The following SUPT6H variants were observed in gnomAD, a reference collection of about 807,000 sequenced individuals.
The protein encoded by SUPT6H is SPT6 homolog, histone chaperone and transcription elongation factor.
Under a neutral mutation model 222.3 loss-of-function variants are expected in SUPT6H, and 11 were observed. That is an observed-to-expected ratio of 0.05 (90% CI 0.03 to 0.08). The LOEUF (loss-of-function observed/expected upper bound fraction) is 0.08, where lower values mean the gene tolerates loss of function less well. SUPT6H is among the 10% of genes least tolerant of loss of function. The pLI, the probability that SUPT6H is intolerant of heterozygous loss-of-function variation, is 1.00. For synonymous variants in SUPT6H, 762 were observed against 801.2 expected, an observed-to-expected ratio of 0.95 and a Z score of 0.83; for missense variants, 1,422 against 2,216.0, an observed-to-expected ratio of 0.64 and a Z score of 7.19.
intron 21 of SUPT6H, 75 bp from the exon 22 acceptor site, chr17:28,687,013 A>G (rs2031416031): frequency 2.5e-6 from 4 of 1,569,782 alleles, no homozygotes. Context: ...GATTTAAACC[A>G]GAATGGTTTG....
At chr17:28,679,058 C>A in intron 11 of SUPT6H, 95 bp downstream of exon 11, 1 of 1,502,104 alleles carries the variant, frequency 6.7e-7, no homozygotes, top group Non-Finnish European at 9.1e-7. Context: ...ATGTGTAGCA[C>A]AGGGCCCCAT....
intron 25 of SUPT6H, 122 bp from the exon 26 acceptor site, chr17:28,689,960 A>T: frequency 1.6e-6 from 2 of 1,284,944 alleles, no homozygotes; most frequent in South Asian, 1.6e-5. Flanking sequence ...TGATGGAAAG[A>T]AAAGAAGAAG....
chr17:28,683,072 C>T lies in SUPT6H; in HGVS notation c.1858C>T (p.Pro620Ser), dbSNP rs771552228. The T allele has an allele frequency of 3.7e-6, 6 of 1,605,710 alleles. No homozygotes were observed. Among genetic ancestry groups the T allele is most frequent in the East Asian group, 2.2e-5 (1 of 44,820 alleles). The part of the protein sequence containing the change: ...FQERAKLNIT[P>S]TKKGRKDVDE... ...AGAGAGAGCCAAGTTAAATATAACC[C>T]CCACCAAGAAAGGTAGAAAGGTGAG... The change falls in exon 15 of 37, where the codon CCC (proline) becomes TCC (serine). Residue 620 changes from proline (P) to serine (S), a missense_variant. Coordinates refer to ENST00000314616, the MANE Select transcript of SUPT6H (RefSeq NM_003170.5).
At chr17:28,674,474 T>C in intron 3 of SUPT6H, 33 bp downstream of exon 3, 1 of 1,614,166 alleles carries the variant, frequency 6.2e-7, no homozygotes, top group Non-Finnish European at 8.5e-7. Flanking sequence ...AAGTGAGGCT[T>C]GGGTGGAGGT....
rs2031492159 is a variant in SUPT6H, at chr17:28,688,297, A to C, written c.3134+79A>C. The C allele has an allele frequency of 1.3e-6, 2 of 1,492,228 alleles. No homozygotes were observed. Among genetic ancestry groups the C allele is most frequent in the Admixed American group, 2.2e-5 (1 of 45,620 alleles). 92.4% of individuals were successfully genotyped at this position (1,492,228 alleles called of 1,614,324 possible). A position where few individuals can be genotyped will look rare whatever the true frequency, so the allele number is the denominator to read the frequency against. On this transcript the variant is annotated intron_variant, in intron 24 of 36. Transcript: ENST00000314616. This position sits in a 1 kb window ranked among gnomAD's most constrained non-coding sequence, Gnocchi z 4.3. ...TCGGGTTTCAGGGGTTAGGGCTATC[A>C]AAGGGCCACAAGCCATTTTAACTTA...
intron 1 of SUPT6H, among the ~76,000 whole-genome samples, chr17:28,666,550 CTTT>C (rs869201111): frequency 4.3e-5 from 6 of 138,630 alleles, no homozygotes; most frequent in Non-Finnish European, 1.6e-5. Flanking sequence ...AAAAGGAATA[CTTT>C]TTTTTTTTTT....
chr17:28,676,352 G>T lies in SUPT6H; in HGVS notation c.819G>T (p.Glu273Asp). The change falls in exon 7 of 37, where the codon GAG (glutamate) becomes GAT (aspartate). Residue 273 changes from glutamate (E) to aspartate (D), a missense_variant. By Grantham distance (45) the Glu-to-Asp change is conservative. Around this residue, in one of 13 missense-constraint regions of SUPT6H, gnomAD observed 389 missense variants for 544.6 expected, o/e 0.71. Coordinates refer to ENST00000314616, the MANE Select transcript of SUPT6H (RefSeq NM_003170.5). ...GTAGGAGCATCTTTGAAATGTATGA[G>T]CCCAGTGAGCTAGAAAGCAGCCACC... Reference protein sequence around the residue: ...VSRRSIFEMYEPSELESSHLT... With the variant: ...VSRRSIFEMYDPSELESSHLT... 1 of 1,613,396 alleles carries T rather than the reference G, an allele frequency of 6.2e-7. No individual in the cohort carries two copies. The highest frequency in any genetic ancestry group is 1.7e-4 in the Middle Eastern group (1 of 6,060).
intron 1 of SUPT6H, among the ~76,000 whole-genome samples, chr17:28,665,717 C>T (rs756544590): frequency 2.0e-5 from 3 of 152,068 alleles, no homozygotes; most frequent in African/African-American, 7.2e-5. Context: ...GAGCTGAGAT[C>T]GTGCCACTAC....
chr17:28,692,233 AGAAT>A, intron 27 of SUPT6H, among the ~76,000 whole-genome samples: 1 of 150,904 alleles, frequency 6.6e-6, no homozygotes, highest in East Asian at 2.0e-4. Flanking sequence ...CTGAGGCAGG[AGAAT>A]GGTGTGAACC....
At chr17:28,683,931 G>A (rs573207812) in intron 17 of SUPT6H, 115 bp downstream of exon 17, 1 of 950,528 alleles carries the variant, frequency 1.1e-6, no homozygotes, top group African/African-American at 1.7e-5. Context: ...TGCCTCCTAG[G>A]TTGATGCCAT....
chr17:28,683,130 C>T, intron 15 of SUPT6H, 38 bp downstream of exon 15: 2 of 1,566,278 alleles, frequency 1.3e-6, no homozygotes, highest in Non-Finnish European at 1.7e-6. Flanking sequence ...AGATGTGCAC[C>T]AGCTCTTTCT....
At chr17:28,700,079 C>G in intron 33 of SUPT6H, 94 bp from the exon 34 acceptor site, 1 of 1,567,594 alleles carries the variant, frequency 6.4e-7, no homozygotes, top group Admixed American at 1.7e-5. Flanking sequence ...TTCCCTTCCT[C>G]CCTCTACCTA....
chr17:28,683,412 G>A lies in SUPT6H; in HGVS notation c.2023G>A (p.Gly675Arg). 6.2e-7 allele frequency: 1 copy of A among 1,614,152 alleles called. No homozygotes were observed. The highest frequency in any genetic ancestry group is 1.3e-5 in the African/African-American group (1 of 75,038). ...CACTGACATCAGCATAGATTTGAAG[G>A]GAGTGGAAGGGTAAGCAGAGCCCTG... ...LTTDISIDLK[G>R]VEGYGNDQTY... The change falls in exon 16 of 37, where the codon GGA becomes AGA. Residue 675 changes from glycine to arginine, a missense_variant. Gly to Arg is a moderately radical substitution (Grantham distance 125). Coordinates refer to ENST00000314616, the MANE Select transcript of SUPT6H (RefSeq NM_003170.5).
chr17:28,669,367 T>A (rs1246529574), intron 1 of SUPT6H, among the ~76,000 whole-genome samples: 1 of 152,182 alleles, frequency 6.6e-6, no homozygotes, highest in Admixed American at 6.5e-5. Context: ...AATTTTTCAT[T>A]TTTAGTGGAG....
intron 15 of SUPT6H, 82 bp from the exon 16 acceptor site, chr17:28,683,186 C>T (rs1470685477): frequency 6.3e-7 from 1 of 1,576,070 alleles, no homozygotes; most frequent in Admixed American, 1.8e-5. Context: ...AGCTGTGTGT[C>T]TGAAAGCAGA....
chr17:28,667,370 CAAAAAAAA>C (rs546020183), intron 1 of SUPT6H, among the ~76,000 whole-genome samples: 10 of 6,240 alleles, frequency 1.6e-3, no homozygotes, highest in South Asian at 0.011. Context: ...GACTCCGTCT[CAAAAAAAA>C]AAAAAAAAAA....
At position 28,678,833 on chromosome 17, in the gene SUPT6H, C is replaced by A. The variant is rs1282118048; in HGVS notation, c.1219C>A (p.Arg407=). 1.2e-6 allele frequency: 2 copies of A among 1,614,106 alleles called. No homozygotes were observed. The highest frequency in any genetic ancestry group is 2.2e-5 in the South Asian group (2 of 91,076). Residue 407 remains arginine, a synonymous_variant, in exon 11 of 37, where the codon CGG becomes AGG. Transcript: ENST00000314616. ...TACTTCACCTTAGTGGACCCAGCTGCGGATCCGTAAAGAGAACCTAACACG... is the reference window on the plus strand; with the variant it reads ...TACTTCACCTTAGTGGACCCAGCTGAGGATCCGTAAAGAGAACCTAACACG... The part of the protein sequence containing the change: ...WQWDEKWTQL[R]IRKENLTRLF...
chr17:28,681,944 C>G lies in SUPT6H; in HGVS notation c.1561C>G (p.Arg521Gly), dbSNP rs2031130652. Residue 521 changes from arginine to glycine, a missense_variant, in exon 13 of 37, where the codon CGA becomes GGA. This residue lies in a region of SUPT6H where 389 missense variants were observed against 544.6 expected (regional missense o/e 0.71). Transcript: ENST00000314616. ...GCCTGAGCTCAAGCAAGCCTCTCGC[C>G]GAGACATGTACACCATCTGCCAGAG... ...RGPELKQASR[R>G]DMYTICQSAG... 1 of 1,608,926 alleles carries G rather than the reference C, an allele frequency of 6.2e-7. No individual in the cohort carries two copies.
intron 1 of SUPT6H, among the ~76,000 whole-genome samples, chr17:28,667,435 A>ATATATATATC: frequency 7.8e-6 from 1 of 128,770 alleles, no homozygotes; most frequent in Non-Finnish European, 1.6e-5. Flanking sequence ...ATATATATAT[A>ATATATATATC]TGTATGTGTG....
Sources: allele counts gnomAD v4.1 joint callset (sites outside exome capture counted in the v4.1 genomes callset), GRCh38; gene constraint gnomAD v4.1.1; regional missense constraint gnomAD v4.1.1; non-coding constraint Gnocchi (gnomAD v3.1); transcripts MANE v1.5; gene names NCBI Gene and HGNC (gene_info 2026-07-23, HGNC 2026-07-21).